The following CHRM3 variants were observed in gnomAD, a reference collection of about 807,000 sequenced individuals.
CHRM3 encodes the protein cholinergic receptor muscarinic 3.
CHRM3 carries 11 observed loss-of-function variants against 41.8 expected under a neutral mutation model. The ratio of observed to expected loss-of-function variants is 0.26; its 90% CI spans 0.17 to 0.44. The LOEUF is 0.44. Among genes scored for constraint, CHRM3 ranks in the 20% least tolerant of loss-of-function variants. CHRM3 has a pLI of 1.00. For missense variants in CHRM3, 571 were observed against 745.4 expected (o/e 0.77, Z 2.72); for synonymous variants, 297 against 301.4 (o/e 0.99, Z 0.15).
intron 2 of CHRM3, among the ~76,000 whole-genome samples, chr1:239,505,072 G>T (rs545311804): frequency 2.0e-5 from 3 of 152,126 alleles, no homozygotes; most frequent in African/African-American, 7.2e-5. Flanking sequence ...AAAAATAACA[G>T]TTTAATAAGA....
rs1057015022 is a variant in CHRM3, at chr1:239,649,823, A to C, written c.-250+17537A>C. On this transcript the variant is annotated intron_variant, in intron 4 of 6. Transcript: ENST00000676153. ...ACAGATGCTGGTGGGTGAAGAGATA[A>C]GGATAATCAGAAAAGGAGGCAGTCC... Among the ~76,000 whole-genome samples the C allele has an allele frequency of 2.6e-5, 4 of 152,320 alleles. No homozygotes were observed. The East Asian group carries it at 7.7e-4, about 29-fold the overall frequency.
chr1:239,832,048 GAAAATA>G (rs1012803779), intron 6 of CHRM3, among the ~76,000 whole-genome samples: 1 of 152,108 alleles, frequency 6.6e-6, no homozygotes, highest in Non-Finnish European at 1.5e-5. Flanking sequence ...TAGAAATGAA[GAAAATA>G]ATTAACTCTG....
chr1:239,756,855 T>C (rs1369643579), intron 5 of CHRM3, among the ~76,000 whole-genome samples: 2 of 152,250 alleles, frequency 1.3e-5, no homozygotes, highest in Admixed American at 6.5e-5. Context: ...TTTTGCATAA[T>C]GCTTTGCATA....
chr1:239,509,014 T>C (rs1668756128), intron 2 of CHRM3, among the ~76,000 whole-genome samples: 1 of 152,186 alleles, frequency 6.6e-6, no homozygotes, highest in Admixed American at 6.5e-5. Context: ...AAAGACTAGG[T>C]CTGTGCCTCA....
rs546780307 is a variant in CHRM3 at position 239,606,482 on chromosome 1, G to A, written c.-312-25742G>A. On this transcript the variant is annotated intron_variant, in intron 3 of 6. Coordinates refer to ENST00000676153, the MANE Select transcript of CHRM3 (RefSeq NM_001375978.1). ...GTAGAGACAAGGTTTCACTATGTTG[G>A]CCAGGCTGGTCTCAATCTCCTGACC... Among the ~76,000 whole-genome samples, 8 of 152,230 alleles carry A rather than the reference G, an allele frequency of 5.3e-5. No individual in the cohort carries two copies. In the South Asian group the frequency reaches 1.5e-3, roughly 28 times the overall value.
At chr1:239,631,943 G>A (rs919739976) in intron 3 of CHRM3, among the ~76,000 whole-genome samples, 3 of 152,124 alleles carry the variant, frequency 2.0e-5, no homozygotes, top group African/African-American at 7.2e-5. Context: ...CCTTGCAACT[G>A]GAGCTTAGGC....
Position 239,422,795 on chromosome 1 carries a change from T to TA in CHRM3, c.-521+35576dup, listed in dbSNP as rs1036264674. ...GGGTGACAAGAGTGAGACTCTATCT[T>TA]AAAAAAAACAAAAACAAAAACAAAA... On this transcript the variant is annotated intron_variant, in intron 1 of 6. Transcript: ENST00000676153. Among the ~76,000 whole-genome samples the TA allele has an allele frequency of 4.9e-3, 672 of 138,234 alleles. 5 individuals are homozygous for TA. Among genetic ancestry groups the TA allele is most frequent in the African/African-American group, 0.017 (622 of 36,600 alleles). The allele number at this position is 138,234 out of a possible 152,430, so 90.7% of individuals were successfully genotyped here. A position where few individuals can be genotyped will look rare whatever the true frequency, so the allele number is the denominator to read the frequency against.
At chr1:239,862,060 C>T (rs955242421) in intron 6 of CHRM3, among the ~76,000 whole-genome samples, 4 of 152,190 alleles carry the variant, frequency 2.6e-5, no homozygotes, top group Non-Finnish European at 4.4e-5. Context: ...ATGCTTCAGA[C>T]TACAGCCTCT....
intron 6 of CHRM3, among the ~76,000 whole-genome samples, chr1:239,872,898 G>A (rs1446448691): frequency 2.0e-5 from 3 of 151,484 alleles, no homozygotes; most frequent in Non-Finnish European, 1.5e-5. Context: ...AGTTTCTCTT[G>A]TTCAGCTGAA....
chr1:239,754,334 G>C (rs960530394), intron 5 of CHRM3, among the ~76,000 whole-genome samples: 3 of 152,184 alleles, frequency 2.0e-5, no homozygotes, highest in Non-Finnish European at 4.4e-5. Flanking sequence ...ATCAGTGCTA[G>C]CTTTATTTTA....
At position 239,748,223 on chromosome 1, in the gene CHRM3, G is replaced by A. The variant is rs1665532750; in HGVS notation, c.-147+69935G>A. ...ACACCCGTTATCTGCACTAATTGAA[G>A]ATGTATTGTATATCGTTAAATAACT... On this transcript the variant is annotated intron_variant, in intron 5 of 6. Coordinates refer to ENST00000676153, the MANE Select transcript of CHRM3 (RefSeq NM_001375978.1). This position sits in a 1 kb window ranked among gnomAD's most constrained non-coding sequence, Gnocchi z 4.3. Among the ~76,000 whole-genome samples, 1 of 152,198 alleles carries A rather than the reference G, an allele frequency of 6.6e-6. No individual in the cohort carries two copies. Among genetic ancestry groups the A allele is most frequent in the South Asian group, 2.1e-4 (1 of 4,830 alleles).
intron 5 of CHRM3, among the ~76,000 whole-genome samples, chr1:239,722,609 C>T (rs1188877261): frequency 6.6e-6 from 1 of 151,850 alleles, no homozygotes; most frequent in African/African-American, 2.4e-5. Context: ...AATACAAATG[C>T]ATTTTCTGCA....
At chr1:239,868,080 T>C (rs589264) in intron 6 of CHRM3, among the ~76,000 whole-genome samples, 152,354 of 152,356 alleles carry the variant, frequency 1, 76,176 homozygotes, top group Non-Finnish European at 1. Context: ...ACTTAATTAT[T>C]GCTCCCTCCT....
chr1:239,541,094 G>C (rs1658732918), intron 2 of CHRM3, among the ~76,000 whole-genome samples: 1 of 152,046 alleles, frequency 6.6e-6, no homozygotes, highest in African/African-American at 2.4e-5. Context: ...AAAATTCTTA[G>C]TTGGGGCCAA....
At position 239,910,661 on chromosome 1, in the gene CHRM3, G is replaced by C. The variant is rs1415965061; in HGVS notation, c.*1437G>C. 1 of 166,632 alleles carries C rather than the reference G, an allele frequency of 6.0e-6. No homozygotes were observed. The highest frequency in any genetic ancestry group is 1.5e-5 in the Non-Finnish European group (1 of 68,098). 10.3% of individuals were successfully genotyped at this position (166,632 alleles called of 1,614,324 possible). On this transcript the variant is annotated 3_prime_UTR_variant, in exon 7 of 7. Coordinates refer to ENST00000676153, the MANE Select transcript of CHRM3 (RefSeq NM_001375978.1). ...AACTGTTTCATTTGGGGAGGGGATG[G>C]GGTGCTGCCATCATTGTCGTTGTTG... is the stretch of plus-strand genomic sequence containing the variant.
chr1:239,452,862 G>A (rs1344654520), intron 1 of CHRM3, among the ~76,000 whole-genome samples: 3 of 151,952 alleles, frequency 2.0e-5, no homozygotes, highest in East Asian at 1.9e-4. Flanking sequence ...GTGCAGTGGC[G>A]TGATCTGGGC....
Position 239,862,632 on chromosome 1 carries a change from A to T in CHRM3, c.-20+35254A>T, listed in dbSNP as rs141674980. Among the ~76,000 whole-genome samples the T allele has an allele frequency of 2.8e-3, 433 of 152,334 alleles. 2 individuals are homozygous for T. The highest frequency in any genetic ancestry group is 9.4e-3 in the African/African-American group (391 of 41,568). On this transcript the variant is annotated intron_variant, in intron 6 of 6. Transcript: ENST00000676153. ...AATTAAATGTACTGTTTTGATAGTT[A>T]TTGATTTGATTTCTTTAAGTACCTA...
intron 5 of CHRM3, among the ~76,000 whole-genome samples, chr1:239,802,285 C>T (rs1321541672): frequency 6.6e-6 from 1 of 152,064 alleles, no homozygotes. Context: ...AAGCATGTGC[C>T]ATAGAAAAAA....
At chr1:239,501,637 C>T (rs538542953) in intron 2 of CHRM3, among the ~76,000 whole-genome samples, 55 of 152,100 alleles carry the variant, frequency 3.6e-4, no homozygotes, top group African/African-American at 1.2e-3. Flanking sequence ...GGGCAGATCA[C>T]GAGGTCAGGA....
Sources: allele counts gnomAD v4.1 joint callset (sites outside exome capture counted in the v4.1 genomes callset), GRCh38; gene constraint gnomAD v4.1.1; non-coding constraint Gnocchi (gnomAD v3.1); transcripts MANE v1.5; gene names NCBI Gene and HGNC (gene_info 2026-07-23, HGNC 2026-07-21).